The following SRPK2 variants were observed in gnomAD, a reference collection of about 807,000 sequenced individuals.
SRPK2 encodes the protein SFRS protein kinase 2.
Under a neutral mutation model 90.8 loss-of-function variants are expected in SRPK2, and 21 were observed. The ratio of observed to expected loss-of-function variants is 0.23; its 90% confidence interval spans 0.16 to 0.33. The LOEUF is 0.33. Ranked by LOEUF, SRPK2 falls within the 10% of genes least tolerant of loss-of-function variation. The pLI is 1.00. For missense variants in SRPK2, 620 were observed against 869.0 expected (o/e 0.71, Z 3.60); for synonymous variants, 288 against 311.1 (o/e 0.93, Z 0.78).
At chr7:105,194,579 A>G (rs888527317) in intron 3 of SRPK2, among the ~76,000 whole-genome samples, 1 of 152,216 alleles carries the variant, frequency 6.6e-6, no homozygotes, top group African/African-American at 2.4e-5. Flanking sequence ...CAAAAACTAC[A>G]AAACATTTCT....
At chr7:105,316,532 C>G (rs1205182490) in intron 2 of SRPK2, among the ~76,000 whole-genome samples, 2 of 152,104 alleles carry the variant, frequency 1.3e-5, no homozygotes, top group African/African-American at 4.8e-5. Context: ...ACTTGTAACT[C>G]TGACAATATT....
At chr7:105,182,148 T>A (rs562328399) in intron 3 of SRPK2, among the ~76,000 whole-genome samples, 2 of 150,134 alleles carry the variant, frequency 1.3e-5, no homozygotes, top group African/African-American at 4.9e-5. Flanking sequence ...GGAGAATCGC[T>A]TGAACCCAGG....
chr7:105,240,958 T>A (rs1800739127), intron 2 of SRPK2, among the ~76,000 whole-genome samples: 1 of 152,210 alleles, frequency 6.6e-6, no homozygotes, highest in Non-Finnish European at 1.5e-5. Flanking sequence ...GCCTGTTTTT[T>A]AAAGAATGTT....
chr7:105,293,770 A>G lies in SRPK2; in HGVS notation c.72-89985T>C, dbSNP rs536913902. Among the ~76,000 whole-genome samples, 16 of 152,274 alleles carry G rather than the reference A, an allele frequency of 1.1e-4. 1 individual carries two copies. The South Asian group carries it at 3.1e-3, about 30-fold the overall frequency. ...AGGAGGTGAAACCCTGCAAGATAAG[A>G]TATGTCCAATGTTACCTAGCTAAGT... On this transcript the variant is annotated intron_variant, in intron 2 of 15. Transcript: ENST00000393651.
intron 2 of SRPK2, among the ~76,000 whole-genome samples, chr7:105,211,426 A>G (rs1270623350): frequency 6.6e-6 from 1 of 152,180 alleles, no homozygotes; most frequent in East Asian, 1.9e-4. Flanking sequence ...ATTGGCTCAC[A>G]GTCCTGCAGG....
At chr7:105,384,015 G>A (rs1393611255) in intron 2 of SRPK2, among the ~76,000 whole-genome samples, 1 of 152,104 alleles carries the variant, frequency 6.6e-6, no homozygotes, top group Non-Finnish European at 1.5e-5. Context: ...CTGGGGAAGT[G>A]AAAATGTTAT....
At chr7:105,204,796 CCCAGCATGCG>C in intron 2 of SRPK2, 1 of 524,088 alleles carries the variant, frequency 1.9e-6, no homozygotes, top group Non-Finnish European at 3.7e-6. Context: ...CCTGCTGTCA[CCCAGCATGCG>C]CCCTATTTTA....
intron 2 of SRPK2, among the ~76,000 whole-genome samples, chr7:105,217,224 G>A (rs112486384): frequency 9.2e-4 from 140 of 152,200 alleles, no homozygotes; most frequent in African/African-American, 3.2e-3. Context: ...ATCATGATTA[G>A]TTAAGAGATT....
chr7:105,163,440 G>A (rs1807993658), intron 6 of SRPK2, among the ~76,000 whole-genome samples: 1 of 152,084 alleles, frequency 6.6e-6, no homozygotes, highest in South Asian at 2.1e-4. Context: ...TTTAAGAAGG[G>A]ATGAGATAAT....
At chr7:105,258,793 T>C (rs1803752974) in intron 2 of SRPK2, among the ~76,000 whole-genome samples, 1 of 152,180 alleles carries the variant, frequency 6.6e-6, no homozygotes, top group Non-Finnish European at 1.5e-5. Flanking sequence ...AACCACATGA[T>C]TATCTCGATA....
At chr7:105,185,279 T>C (rs555547572) in intron 3 of SRPK2, among the ~76,000 whole-genome samples, 37 of 152,080 alleles carry the variant, frequency 2.4e-4, no homozygotes, top group Non-Finnish European at 5.0e-4. Context: ...ATAAGATTTA[T>C]ATCTAAAAGA....
At chr7:105,268,848 AGCT>A (rs760529455) in intron 2 of SRPK2, 48 of 1,591,584 alleles carry the variant, frequency 3.0e-5, no homozygotes. Context: ...TGACATCAGC[AGCT>A]CAATCTTCTG....
intron 2 of SRPK2, among the ~76,000 whole-genome samples, chr7:105,321,261 G>C (rs1812904619): frequency 1.3e-5 from 2 of 152,184 alleles, no homozygotes; most frequent in South Asian, 4.2e-4. Context: ...AAGACAACTG[G>C]GTATCCACAT....
intron 2 of SRPK2, among the ~76,000 whole-genome samples, chr7:105,205,276 C>T (rs1352575455): frequency 6.6e-6 from 1 of 152,136 alleles, no homozygotes; most frequent in Non-Finnish European, 1.5e-5. Context: ...GGATCACACA[C>T]AATAGGTCAA....
In SRPK2 at chr7:105,349,992, C is replaced by G. The variant is rs1816961638; in HGVS notation, c.71+38656G>C. ...GAACTTGTGATCCACCTGCCTCAGC[C>G]TCCCAAAGTGCTGGGATTACAGGCG... is the stretch of plus-strand genomic sequence containing the variant. On this transcript the variant is annotated intron_variant, in intron 2 of 15. Transcript: ENST00000393651. Among the ~76,000 whole-genome samples, 8 of 150,944 alleles carry G rather than the reference C, an allele frequency of 5.3e-5. No homozygotes were observed. In the Admixed American group the frequency reaches 5.3e-4, roughly 10 times the overall value.
chr7:105,330,499 T>TA (rs745639330), intron 2 of SRPK2, among the ~76,000 whole-genome samples: 71 of 152,112 alleles, frequency 4.7e-4, no homozygotes, highest in Non-Finnish European at 9.9e-4. Flanking sequence ...TAGCAAACAT[T>TA]AACAACAGGG....
At chr7:105,397,822 ATT>A (rs1055902578) in intron 1 of SRPK2, among the ~76,000 whole-genome samples, 1 of 151,172 alleles carries the variant, frequency 6.6e-6, no homozygotes, top group Non-Finnish European at 1.5e-5. Context: ...TTTTTTTTGT[ATT>A]TTTAGTAAAG....
At chr7:105,205,716 A>C (rs1796148712) in intron 2 of SRPK2, among the ~76,000 whole-genome samples, 1 of 152,142 alleles carries the variant, frequency 6.6e-6, no homozygotes, top group African/African-American at 2.4e-5. Flanking sequence ...GTTCTGAAGG[A>C]GGAGAGGCAA....
rs1271852134 is a variant in SRPK2 at position 105,134,290 on chromosome 7, CTGAG to C, written c.1544-1190_1544-1187del. Among the ~76,000 whole-genome samples, 13 of 152,122 alleles carry C rather than the reference CTGAG, an allele frequency of 8.5e-5. No individual in the cohort carries two copies. The South Asian group carries it at 2.1e-3, about 24-fold the overall frequency. ...TTTCCACGTTGCTGTTCTCGTGATA[CTGAG>C]TGAGTTCTCACGAGATCTGGTTGTT... On this transcript the variant is annotated intron_variant, in intron 11 of 15. Coordinates refer to ENST00000393651, the MANE Select transcript of SRPK2 (RefSeq NM_182692.3).
Sources: allele counts gnomAD v4.1 joint callset (sites outside exome capture counted in the v4.1 genomes callset), GRCh38; gene constraint gnomAD v4.1.1; transcripts MANE v1.5; gene names NCBI Gene and HGNC (gene_info 2026-07-23, HGNC 2026-07-21).